Variants in PIK3C3 observed in about 807,000 individuals in gnomAD.
The protein encoded by PIK3C3 is phosphatidylinositol 3-kinase catalytic subunit type 3, also known as PI3-kinase type 3.
PIK3C3 carries 95 observed loss-of-function variants against 126.1 expected under a neutral mutation model. The observed-to-expected ratio is 0.75, with a 90% CI of 0.64 to 0.89. The LOEUF is 0.89. PIK3C3 is among the 40% of genes least tolerant of loss of function. The probability of loss-of-function intolerance (pLI) is 0.00; values close to 1 mark genes in which losing one functional copy is unlikely to be tolerated. For synonymous variants in PIK3C3, 374 were observed against 360.0 expected (o/e 1.04, Z -0.44); for missense variants, 829 against 1,063.2 (o/e 0.78, Z 3.06).
intron 5 of PIK3C3, among the ~76,000 whole-genome samples, chr18:41,989,484 A>G (rs2144351335): frequency 6.6e-6 from 1 of 152,274 alleles, no homozygotes; most frequent in South Asian, 2.1e-4. Flanking sequence ...GTGCCTCATC[A>G]TATCATTTCA....
At chr18:42,049,807 C>T in intron 21 of PIK3C3, 1 of 403,748 alleles carries the variant, frequency 2.5e-6, no homozygotes, top group Non-Finnish European at 4.6e-6. Flanking sequence ...AACCCCGTCT[C>T]TACTAAACAC....
intron 4 of PIK3C3, among the ~76,000 whole-genome samples, chr18:41,984,478 C>G (rs1343130145): frequency 2.0e-5 from 3 of 151,968 alleles, no homozygotes; most frequent in Admixed American, 6.6e-5. Flanking sequence ...TAATTAATAA[C>G]TAATTATTTC....
chr18:42,039,956 G>A (rs148462612), intron 18 of PIK3C3, among the ~76,000 whole-genome samples: 43 of 152,130 alleles, frequency 2.8e-4, no homozygotes, highest in African/African-American at 1.0e-3. Context: ...TTCTACAGGG[G>A]TATATAATCT....
At chr18:42,043,675 A>G in intron 19 of PIK3C3, 58 bp from the exon 20 acceptor site, 2 of 1,136,718 alleles carry the variant, frequency 1.8e-6, no homozygotes, top group Middle Eastern at 2.0e-4. Context: ...ATAGTTTCAA[A>G]ACACCTAGTT....
At position 42,057,721 on chromosome 18, in the gene PIK3C3, A is replaced by G. The variant is rs186914155; in HGVS notation, c.2264-162A>G. 2,821 of 614,374 alleles carry G rather than the reference A, an allele frequency of 4.6e-3. 24 individuals are homozygous for G. The highest frequency in any genetic ancestry group is 0.018 in the South Asian group (827 of 46,788). The allele number at this position is 614,374 out of a possible 1,614,324, so 38.1% of individuals were successfully genotyped here. ...ATGAGTTAATTATGTTCTGAAGGCCACTCTCAAACCTGCAGTTAGAAATAT... is the reference window on the plus strand; with the variant it reads ...ATGAGTTAATTATGTTCTGAAGGCCGCTCTCAAACCTGCAGTTAGAAATAT... On this transcript the variant is annotated intron_variant, in intron 21 of 24. Transcript: ENST00000262039.
At chr18:41,976,460 T>A (rs1470639038) in intron 4 of PIK3C3, among the ~76,000 whole-genome samples, 3 of 152,190 alleles carry the variant, frequency 2.0e-5, no homozygotes, top group Non-Finnish European at 2.9e-5. Context: ...TCACCTTGTA[T>A]GTGTAAAGTG....
At chr18:42,030,606 GA>G (rs1280046216) in intron 15 of PIK3C3, among the ~76,000 whole-genome samples, 7 of 152,318 alleles carry the variant, frequency 4.6e-5, no homozygotes, top group Admixed American at 3.9e-4. Context: ...CAGCAGGTTA[GA>G]GAGGGGAAAA....
intron 16 of PIK3C3, 120 bp downstream of exon 16, chr18:42,034,077 G>T (rs756525930): frequency 6.0e-4 from 357 of 596,824 alleles, no homozygotes; most frequent in Non-Finnish European, 8.6e-4. Context: ...AGTTGATTTA[G>T]TAAATGCTAG....
intron 1 of PIK3C3, among the ~76,000 whole-genome samples, chr18:41,956,020 T>C (rs146293728): frequency 3.5e-5 from 5 of 142,652 alleles, no homozygotes; most frequent in African/African-American, 1.2e-4. Context: ...ATGAGGATAA[T>C]AGAACTGGTA....
At chr18:41,963,896 C>T in intron 3 of PIK3C3, among the ~76,000 whole-genome samples, 1 of 149,818 alleles carries the variant, frequency 6.7e-6, no homozygotes. Context: ...ATGGAATTAG[C>T]CCTTTGTGGG....
intron 4 of PIK3C3, among the ~76,000 whole-genome samples, chr18:41,978,216 A>G (rs556062586): frequency 2.0e-4 from 31 of 152,132 alleles, no homozygotes; most frequent in Non-Finnish European, 4.0e-4. Context: ...CAGCCTCCCA[A>G]ACTGCTGGGA....
chr18:41,958,189 A>G (rs1282022908), intron 2 of PIK3C3, among the ~76,000 whole-genome samples: 3 of 151,708 alleles, frequency 2.0e-5, no homozygotes, highest in Non-Finnish European at 4.4e-5. Context: ...TATTTTACAT[A>G]TGAAACTAAT....
intron 2 of PIK3C3, among the ~76,000 whole-genome samples, chr18:41,961,814 TAA>T (rs905607912): frequency 6.6e-6 from 1 of 151,230 alleles, no homozygotes; most frequent in African/African-American, 2.4e-5. Context: ...ATAGAGGGTT[TAA>T]AAAAAAAGAG....
At chr18:41,968,108 A>G (rs568646868) in intron 3 of PIK3C3, among the ~76,000 whole-genome samples, 2 of 152,182 alleles carry the variant, frequency 1.3e-5, no homozygotes, top group Non-Finnish European at 2.9e-5. Context: ...CCCTATCCTT[A>G]AATCTCTTCT....
intron 20 of PIK3C3, among the ~76,000 whole-genome samples, chr18:42,047,891 CTT>C (rs1279970782): frequency 1.3e-5 from 2 of 152,194 alleles, no homozygotes; most frequent in Non-Finnish European, 2.9e-5. Context: ...GTGAGTAAGA[CTT>C]TTCTCTAAAG....
rs981727457 is a variant in PIK3C3, at chr18:42,087,687, A to G, written c.*6550A>G. On this transcript the variant is annotated 3_prime_UTR_variant, in exon 25 of 25. Coordinates refer to ENST00000262039, the MANE Select transcript of PIK3C3 (RefSeq NM_002647.4). Reference sequence around the variant, plus strand: ...CTTAACTCCTATGTCAATTTTATACAGCATGAAATAATGATGTATCTATAA... The same window carrying G: ...CTTAACTCCTATGTCAATTTTATACGGCATGAAATAATGATGTATCTATAA... 1.3e-5 allele frequency: 2 copies of G among 152,214 alleles called. No individual in the cohort carries two copies. Among genetic ancestry groups the G allele is most frequent in the Non-Finnish European group, 2.9e-5 (2 of 68,040 alleles). The allele number at this position is 152,214 out of a possible 1,614,324, so 9.4% of individuals were successfully genotyped here.
chr18:41,995,926 CG>C lies in PIK3C3; in HGVS notation c.825del (p.Ser276ValfsTer2). 1 of 1,612,982 alleles carries C rather than the reference CG, an allele frequency of 6.2e-7. No individual in the cohort carries two copies. ...LVESKHHKLA[R>X]SLRSGPSDHD... Reference sequence around the variant, plus strand: ...TGAGAGCAAACACCACAAGCTTGCCCGGAGTTTAAGAAGTGGACCTTCTGAC... The same window carrying C: ...TGAGAGCAAACACCACAAGCTTGCCCGAGTTTAAGAAGTGGACCTTCTGAC... On this transcript the variant is annotated frameshift_variant, in exon 8 of 25. Transcript: ENST00000262039. LOFTEE classifies it high-confidence loss of function.
intron 23 of PIK3C3, among the ~76,000 whole-genome samples, chr18:42,065,958 A>C (rs1316880544): frequency 1.3e-5 from 2 of 152,212 alleles, no homozygotes; most frequent in African/African-American, 4.8e-5. Context: ...GCACTTATGT[A>C]AGTATGCAAG....
At position 42,004,553 on chromosome 18, in the gene PIK3C3, T is replaced by C. The variant is rs1353855261; in HGVS notation, c.1170+12T>C. ...AGGCCGATGATGAGGTGCATTATTATTTATTATTCTGCTTCAATGGGTCAT... is the reference window on the plus strand; with the variant it reads ...AGGCCGATGATGAGGTGCATTATTACTTATTATTCTGCTTCAATGGGTCAT... On this transcript the variant is annotated intron_variant, in intron 10 of 24. Coordinates refer to ENST00000262039, the MANE Select transcript of PIK3C3 (RefSeq NM_002647.4). 8 of 1,554,018 alleles carry C rather than the reference T, an allele frequency of 5.1e-6. No individual in the cohort carries two copies. Among genetic ancestry groups the C allele is most frequent in the Non-Finnish European group, 7.0e-6 (8 of 1,146,686 alleles).
Sources: allele counts gnomAD v4.1 joint callset (sites outside exome capture counted in the v4.1 genomes callset), GRCh38; gene constraint gnomAD v4.1.1; transcripts MANE v1.5; gene names NCBI Gene and HGNC (gene_info 2026-07-23, HGNC 2026-07-21).